Variants in AR observed in about 807,000 individuals in gnomAD.
AR encodes dihydrotestosterone receptor.
AR carries 8 observed loss-of-function variants against 53.9 expected under a neutral mutation model. The ratio of observed to expected loss-of-function variants is 0.15; its 90% CI spans 0.09 to 0.27. The LOEUF (loss-of-function observed/expected upper bound fraction) is 0.27, where lower values mean the gene tolerates loss of function less well. Ranked by LOEUF, AR falls within the 10% of genes least tolerant of loss-of-function variation. The probability of loss-of-function intolerance (pLI) is 1.00; values close to 1 mark genes in which losing one functional copy is unlikely to be tolerated. For synonymous variants in AR, 359 were observed against 316.4 expected (o/e 1.13, Z -1.43); for missense variants, 639 against 742.5 (o/e 0.86, Z 1.62).
rs780944922 is a variant in AR, at chrX:67,667,033, C to T, written c.1769-18977C>T. 4.9e-4 allele frequency among the ~76,000 whole-genome samples: 54 copies of T among 110,612 alleles called. 1 individual carries two copies. Among genetic ancestry groups the T allele is most frequent in the African/African-American group, 1.6e-3 (48 of 30,396 alleles). On this transcript the variant is annotated intron_variant, in intron 2 of 7. Coordinates refer to ENST00000374690, the MANE Select transcript of AR (RefSeq NM_000044.6). ...TGGGTTGTCTCTTCACTTTGTTGAT[C>T]GAATCACTTGCTGTGCAGAAGGTTT...
chrX:67,683,127 G>A (rs1363145681), intron 2 of AR, among the ~76,000 whole-genome samples: 1 of 111,788 alleles, frequency 8.9e-6, no homozygotes, highest in Non-Finnish European at 1.9e-5. Flanking sequence ...AAACACCTAT[G>A]CACTCACACA....
rs773998215 is a variant in AR at position 67,634,679 on chromosome X, G to A, written c.1617-8577G>A. Among the ~76,000 whole-genome samples, 7 of 111,331 alleles carry A rather than the reference G, an allele frequency of 6.3e-5. No homozygotes were observed. The South Asian group carries it at 2.7e-3, about 42-fold the overall frequency. On this transcript the variant is annotated intron_variant, in intron 1 of 7. Coordinates refer to ENST00000374690, the MANE Select transcript of AR (RefSeq NM_000044.6). ...ACACTAAATTTCAAATCTCACGGTG[G>A]CAGGGAATAAAGATGCTACCTATCT...
At chrX:67,715,920 C>A (rs1238496758) in intron 4 of AR, among the ~76,000 whole-genome samples, 1 of 111,505 alleles carries the variant, frequency 9.0e-6, no homozygotes, top group African/African-American at 3.3e-5. Flanking sequence ...TGAGGTGATG[C>A]CTTTATAACT....
intron 2 of AR, among the ~76,000 whole-genome samples, chrX:67,663,581 G>A (rs779788678): frequency 1.8e-5 from 2 of 111,675 alleles, no homozygotes; most frequent in East Asian, 2.8e-4. Flanking sequence ...TTCAACTTTG[G>A]TGAATCTGAC....
intron 3 of AR, chrX:67,689,790 AC>A: frequency 1.3e-6 from 1 of 743,050 alleles, no homozygotes. Flanking sequence ...CCAAATGAGG[AC>A]CTTCCCTCCA....
At chrX:67,680,996 CTATT>C (rs1237564698) in intron 2 of AR, 8 of 191,028 alleles carry the variant, frequency 4.2e-5, no homozygotes, top group East Asian at 4.0e-4. Flanking sequence ...CATTTTATGA[CTATT>C]TAGGTAGTCA....
chrX:67,654,425 A>G (rs781643184), intron 2 of AR, among the ~76,000 whole-genome samples: 15 of 111,269 alleles, frequency 1.3e-4, no homozygotes, highest in Non-Finnish European at 2.6e-4. Flanking sequence ...CAGCATTTGT[A>G]TGAGAATATA....
At chrX:67,698,207 C>T (rs2076028741) in intron 3 of AR, among the ~76,000 whole-genome samples, 1 of 112,040 alleles carries the variant, frequency 8.9e-6, no homozygotes, top group Admixed American at 9.5e-5. Context: ...TGAGGCCCCA[C>T]AGTGAGCTCC....
rs957400727 is a variant in AR, at chrX:67,615,169, A to T, written c.1617-28087A>T. Among the ~76,000 whole-genome samples, 13 of 111,437 alleles carry T rather than the reference A, an allele frequency of 1.2e-4. No individual in the cohort carries two copies. In the East Asian group the frequency reaches 1.7e-3, roughly 14 times the overall value. On this transcript the variant is annotated intron_variant, in intron 1 of 7. Coordinates refer to ENST00000374690, the MANE Select transcript of AR (RefSeq NM_000044.6). ...GAAAAGAGCAGAAAGAATATTTTTT[A>T]AAAAATGGATAAAATCTTCCAAAAT...
chrX:67,592,841 T>C (rs1288491889), intron 1 of AR, among the ~76,000 whole-genome samples: 1 of 111,007 alleles, frequency 9.0e-6, no homozygotes, highest in African/African-American at 3.3e-5. Context: ...TGCTGGCAAC[T>C]GATTTTTGGT....
At chrX:67,595,661 A>T (rs1263020059) in intron 1 of AR, among the ~76,000 whole-genome samples, 4 of 108,432 alleles carry the variant, frequency 3.7e-5, no homozygotes, top group Non-Finnish European at 7.6e-5. Context: ...CAAAAAAAAA[A>T]AAAATAGCCA....
At chrX:67,697,606 A>G (rs1373742596) in intron 3 of AR, among the ~76,000 whole-genome samples, 1 of 111,525 alleles carries the variant, frequency 9.0e-6, no homozygotes, top group Non-Finnish European at 1.9e-5. Context: ...CCATTCTTAG[A>G]AAAAGTCAGA....
intron 3 of AR, among the ~76,000 whole-genome samples, chrX:67,693,361 A>G (rs2091153767): frequency 8.9e-6 from 1 of 112,174 alleles, no homozygotes; most frequent in Admixed American, 9.5e-5. Context: ...AGTACACAGC[A>G]CACAATAGGC....
chrX:67,586,874 T>G (rs1045536193), intron 1 of AR, among the ~76,000 whole-genome samples: 1 of 111,774 alleles, frequency 8.9e-6, no homozygotes, highest in African/African-American at 3.3e-5. Flanking sequence ...AATGACACTT[T>G]CCTACTTTTT....
At chrX:67,642,534 A>AT (rs1042345311) in intron 1 of AR, among the ~76,000 whole-genome samples, 1 of 111,185 alleles carries the variant, frequency 9.0e-6, no homozygotes, top group Non-Finnish European at 1.9e-5. Flanking sequence ...ATTGTACATC[A>AT]TTTTTTCAAC....
chrX:67,711,757 GCC>G, intron 4 of AR, 68 bp downstream of exon 4: 1 of 1,074,781 alleles, frequency 9.3e-7, no homozygotes, highest in African/African-American at 1.8e-5. Flanking sequence ...CTATGGACCA[GCC>G]ACCATGTCTG....
chrX:67,546,440 T>C lies in AR; in HGVS notation c.1294T>C (p.Ser432Pro), dbSNP rs2147321205. ...PGSGSPSAAA[S>P]SSWHTLFTAE... ...TTCTGGGTCACCCTCAGCCGCCGCT[T>C]CCTCATCCTGGCACACTCTCTTCAC... The change falls in exon 1 of 8, where the codon TCC becomes CCC. Residue 432 changes from serine (S) to proline (P), a missense_variant. By Grantham distance (74) the Ser-to-Pro change is moderately conservative. Around this residue, in one of 5 missense-constraint regions of AR, gnomAD observed 423 missense variants for 377.0 expected, o/e 1.12. Transcript: ENST00000374690. 1 of 1,184,009 alleles carries C rather than the reference T, an allele frequency of 8.4e-7. No homozygotes were observed.
At chrX:67,557,675 A>G (rs1921117705) in intron 1 of AR, among the ~76,000 whole-genome samples, 1 of 111,897 alleles carries the variant, frequency 8.9e-6, no homozygotes, top group East Asian at 2.8e-4. Flanking sequence ...CTAGGGCACA[A>G]ACCCAGTTCT....
At chrX:67,714,840 A>G (rs1357703223) in intron 4 of AR, among the ~76,000 whole-genome samples, 1 of 111,674 alleles carries the variant, frequency 9.0e-6, no homozygotes, top group African/African-American at 3.3e-5. Flanking sequence ...GAGATTGGGC[A>G]TTAGAGAACA....
Sources: allele counts gnomAD v4.1 joint callset (sites outside exome capture counted in the v4.1 genomes callset), GRCh38; gene constraint gnomAD v4.1.1; regional missense constraint gnomAD v4.1.1; transcripts MANE v1.5; gene names NCBI Gene and HGNC (gene_info 2026-07-23, HGNC 2026-07-21).